Variants in MAML3 observed in about 807,000 individuals in gnomAD.
MAML3 encodes the protein mastermind-like protein 3.
A neutral mutation model predicts 101.9 loss-of-function variants in MAML3; 27 were observed. That is an observed-to-expected ratio of 0.27 (90% CI 0.20 to 0.37). The LOEUF (loss-of-function observed/expected upper bound fraction) is 0.37. MAML3 is among the 10% of genes least tolerant of loss of function. The pLI, the probability that MAML3 is intolerant of heterozygous loss-of-function variation, is 1.00. For synonymous variants in MAML3, 501 were observed against 555.9 expected (o/e 0.90, Z 1.39); for missense variants, 1,316 against 1,444.9 (o/e 0.91, Z 1.45).
At chr4:139,922,252 T>C (rs969210367) in intron 1 of MAML3, among the ~76,000 whole-genome samples, 26 of 152,182 alleles carry the variant, frequency 1.7e-4, no homozygotes, top group Non-Finnish European at 3.5e-4. Context: ...TATTTGCTAA[T>C]GACAAACTAC....
At chr4:139,999,986 T>G (rs966353901) in intron 1 of MAML3, among the ~76,000 whole-genome samples, 6 of 152,224 alleles carry the variant, frequency 3.9e-5, no homozygotes, top group African/African-American at 1.4e-4. Context: ...CAAACATGTA[T>G]ACCAAGTGTG....
chr4:140,063,458 A>G (rs1189928077), intron 1 of MAML3, among the ~76,000 whole-genome samples: 1 of 152,182 alleles, frequency 6.6e-6, no homozygotes, highest in Non-Finnish European at 1.5e-5. Context: ...GTCCCTGGTA[A>G]GAGAGGTCCC....
chr4:140,114,202 C>T (rs1383468826), intron 1 of MAML3, among the ~76,000 whole-genome samples: 2 of 152,186 alleles, frequency 1.3e-5, no homozygotes, highest in Non-Finnish European at 2.9e-5. Flanking sequence ...ATCATTCCAA[C>T]TTCTGTGTGC....
intron 1 of MAML3, among the ~76,000 whole-genome samples, chr4:140,081,131 T>C (rs968230408): frequency 1.3e-5 from 2 of 152,240 alleles, no homozygotes; most frequent in African/African-American, 4.8e-5. Context: ...CATCACTTTT[T>C]ATCTGCTAAA....
chr4:139,987,994 C>CCTGGCAA (rs2110820648), intron 1 of MAML3, among the ~76,000 whole-genome samples: 1 of 132,974 alleles, frequency 7.5e-6, no homozygotes, highest in South Asian at 2.4e-4. Context: ...TGCACTCCAG[C>CCTGGCAA]CTGGCAACAC....
At chr4:139,724,806 G>C (rs4863678) in intron 4 of MAML3, among the ~76,000 whole-genome samples, 2 of 144,538 alleles carry the variant, frequency 1.4e-5, no homozygotes, top group Non-Finnish European at 3.0e-5. Context: ...ACAGAGTCTC[G>C]CTCTGTTGCC....
intron 1 of MAML3, among the ~76,000 whole-genome samples, chr4:140,111,273 G>A (rs1728434537): frequency 6.6e-6 from 1 of 152,016 alleles, no homozygotes; most frequent in Non-Finnish European, 1.5e-5. Context: ...TGATCACCTT[G>A]GGCCACCTCC....
At chr4:139,987,850 T>A (rs1734578458) in intron 1 of MAML3, among the ~76,000 whole-genome samples, 2 of 151,140 alleles carry the variant, frequency 1.3e-5, no homozygotes, top group African/African-American at 4.9e-5. Flanking sequence ...TGAAACCTTG[T>A]CTGTACTAAA....
intron 1 of MAML3, among the ~76,000 whole-genome samples, chr4:140,069,467 G>A (rs1287760715): frequency 4.6e-5 from 5 of 108,954 alleles, no homozygotes; most frequent in Non-Finnish European, 9.3e-5. Flanking sequence ...AGAAGGAGAA[G>A]GAGAAAGGAA....
intron 1 of MAML3, among the ~76,000 whole-genome samples, chr4:140,091,932 AGT>A (rs1159027338): frequency 6.6e-6 from 1 of 151,956 alleles, no homozygotes; most frequent in African/African-American, 2.4e-5. Flanking sequence ...AGCAGGCCAT[AGT>A]TTTATTTATT....
At chr4:140,152,199 T>TCCCGCGAGCACC (rs1459860699) in intron 1 of MAML3, among the ~76,000 whole-genome samples, 1 of 151,992 alleles carries the variant, frequency 6.6e-6, no homozygotes, top group Non-Finnish European at 1.5e-5. Flanking sequence ...CCGCGCGCGC[T>TCCCGCGAGCACC]CCCGCGAGCA....
chr4:139,889,217 G>C, intron 2 of MAML3, 140 bp downstream of exon 2: 2 of 1,494,002 alleles, frequency 1.3e-6, no homozygotes. Flanking sequence ...TCCAAACCTG[G>C]CCACTACCTG....
intron 1 of MAML3, among the ~76,000 whole-genome samples, chr4:140,011,233 C>CATATATATATATATACATAT (rs1726554413): frequency 8.3e-6 from 1 of 119,926 alleles, no homozygotes; most frequent in African/African-American, 2.8e-5. Context: ...ATAAAGTGTG[C>CATATATATATATATACATAT]ATATATATAT....
chr4:139,877,343 A>C (rs795974), intron 2 of MAML3, among the ~76,000 whole-genome samples: 2 of 148,822 alleles, frequency 1.3e-5, no homozygotes, highest in South Asian at 2.1e-4. Context: ...ATTTCCCCCC[A>C]CCCCCCGAAG....
At chr4:139,870,103 C>T (rs187791882) in intron 2 of MAML3, among the ~76,000 whole-genome samples, 7 of 152,318 alleles carry the variant, frequency 4.6e-5, no homozygotes, top group South Asian at 2.1e-4. Context: ...GCACATAAAG[C>T]GCTCCATGAA....
chr4:139,849,219 G>A (rs912174387), intron 2 of MAML3, among the ~76,000 whole-genome samples: 1 of 152,194 alleles, frequency 6.6e-6, no homozygotes, highest in African/African-American at 2.4e-5. Context: ...GTATTATAGA[G>A]AGCAAAACCA....
At chr4:139,750,254 C>T (rs12642915) in intron 2 of MAML3, among the ~76,000 whole-genome samples, 10,190 of 152,232 alleles carry the variant, frequency 0.067, 502 homozygotes, top group East Asian at 0.095. Context: ...GGTGACAATT[C>T]CCCAGTCCTT....
intron 1 of MAML3, among the ~76,000 whole-genome samples, chr4:140,101,850 ATTT>A (rs199963434): frequency 3.6e-5 from 5 of 140,834 alleles, no homozygotes; most frequent in Admixed American, 7.2e-5. Flanking sequence ...TCAGCTGAGC[ATTT>A]TTTTTTTTTT....
Position 139,853,970 on chromosome 4 carries a change from C to T in MAML3, c.2079+35387G>A, listed in dbSNP as rs560847619. Among the ~76,000 whole-genome samples the T allele has an allele frequency of 3.1e-4, 47 of 151,916 alleles. 1 individual carries two copies. The highest frequency in any genetic ancestry group is 1.0e-3 in the African/African-American group (43 of 41,422). ...CTGAGTAGCTGGGATTACAGGCATG[C>T]GCCATCATGCCCAGCTAATTTTTTT... On this transcript the variant is annotated intron_variant, in intron 2 of 4. Transcript: ENST00000509479.
Sources: gnomAD v4.1 joint callset for allele counts (sites outside exome capture counted in the v4.1 genomes callset) on GRCh38, gnomAD v4.1.1 for gene constraint, MANE v1.5 for transcripts, NCBI Gene and HGNC (gene_info 2026-07-23, HGNC 2026-07-21) for gene names.